The following LRIF1 variants were observed in gnomAD, a reference collection of about 807,000 sequenced individuals.
LRIF1 encodes ligand-dependent nuclear receptor-interacting factor 1.
Under a neutral mutation model 52.7 loss-of-function variants are expected in LRIF1, and 32 were observed. The observed-to-expected ratio is 0.61, with a 90% CI of 0.46 to 0.82. The LOEUF (loss-of-function observed/expected upper bound fraction) is 0.82, where lower values mean the gene tolerates loss of function less well. Ranked by LOEUF, LRIF1 falls within the 40% of genes least tolerant of loss-of-function variation. LRIF1 has a pLI of 0.00. For missense variants in LRIF1, 887 were observed against 892.0 expected (o/e 0.99, Z 0.07); for synonymous variants, 323 against 317.4 (o/e 1.02, Z -0.19).
chr1:110,901,059 A>T, the LRIF1 span, among the ~76,000 whole-genome samples: 1 of 152,214 alleles, frequency 6.6e-6, no homozygotes, highest in African/African-American at 2.4e-5. Context: ...TTTTAAAAAA[A>T]TTAGTATTTC....
At chr1:110,925,638 CA>C in the LRIF1 span, among the ~76,000 whole-genome samples, 1 of 151,456 alleles carries the variant, frequency 6.6e-6, no homozygotes, top group African/African-American at 2.4e-5. Context: ...GAGAATAAGA[CA>C]AAAAAAGAGA....
chr1:110,908,687 A>G, the LRIF1 span, among the ~76,000 whole-genome samples: 1 of 152,254 alleles, frequency 6.6e-6, no homozygotes, highest in East Asian at 1.9e-4. Context: ...AGCAGATAAA[A>G]ATAAAAAAAA....
chr1:110,892,683 A>C, the LRIF1 span: 1 of 681,774 alleles, frequency 1.5e-6, no homozygotes, highest in African/African-American at 1.8e-5. Context: ...TGCCCAGACC[A>C]ATAGTATATT....
chr1:110,929,169 T>C, the LRIF1 span, among the ~76,000 whole-genome samples: 8 of 152,340 alleles, frequency 5.3e-5, no homozygotes, highest in South Asian at 1.7e-3. Context: ...CTGTCATTGA[T>C]GGGCATTTAG....
chr1:110,917,223 C>T, the LRIF1 span, among the ~76,000 whole-genome samples: 5 of 152,192 alleles, frequency 3.3e-5, no homozygotes, highest in Non-Finnish European at 4.4e-5. Flanking sequence ...CTGACAGGGG[C>T]TCGTGTGTCC....
chr1:110,923,886 T>A, the LRIF1 span, among the ~76,000 whole-genome samples: 1 of 152,052 alleles, frequency 6.6e-6, no homozygotes, highest in African/African-American at 2.4e-5. Flanking sequence ...AACATTAACA[T>A]TCATACAGGA....
chr1:110,949,278 C>T (rs894099645), intron 3 of LRIF1, among the ~76,000 whole-genome samples: 2 of 151,896 alleles, frequency 1.3e-5, no homozygotes, highest in Admixed American at 6.6e-5. Flanking sequence ...GCTACCTCAC[C>T]CAGCTAATTT....
Position 110,948,053 on chromosome 1 carries a change from G to C in LRIF1, c.2216C>G (p.Thr739Ser), listed in dbSNP as rs1231003398. Reference protein sequence around the residue: ...FPVTPPELEETIRDEKIRRLK... With the variant: ...FPVTPPELEESIRDEKIRRLK... ...TCTTCTTATTTTTTCATCTCGAATG[G>C]TTTCTTCTAACTCCGGTGGTGTCAC... Residue 739 changes from threonine to serine, a missense_variant, in exon 4 of 4, where the codon ACC (threonine) becomes AGC (serine). Coordinates refer to ENST00000369763, the MANE Select transcript of LRIF1 (RefSeq NM_018372.4). 1 of 1,613,770 alleles carries C rather than the reference G, an allele frequency of 6.2e-7. No individual in the cohort carries two copies. The highest frequency in any genetic ancestry group is 1.1e-5 in the South Asian group (1 of 90,970).
rs1318200664 is a variant in LRIF1 at position 110,947,292 on chromosome 1, G to C, written c.*667C>G. The C allele has an allele frequency of 7.0e-6, 1 of 142,764 alleles. No homozygotes were observed. Among genetic ancestry groups the C allele is most frequent in the Non-Finnish European group, 1.5e-5 (1 of 65,114 alleles). 8.8% of individuals were successfully genotyped at this position (142,764 alleles called of 1,614,324 possible). On this transcript the variant is annotated 3_prime_UTR_variant, in exon 4 of 4. Coordinates refer to ENST00000369763, the MANE Select transcript of LRIF1 (RefSeq NM_018372.4). ...GTACATAGTCCCAAAAAAAAAAAAA[G>C]CAGCATTTGCCTGGGAACACATCAC...
At chr1:110,950,225 CA>C in intron 2 of LRIF1, 102 bp from the exon 3 acceptor site, 1 of 1,364,440 alleles carries the variant, frequency 7.3e-7, no homozygotes, top group South Asian at 1.4e-5. Context: ...AAGAACATAT[CA>C]TGCTTTATGA....
At chr1:110,950,825 A>G (rs1570940699) in intron 2 of LRIF1, among the ~76,000 whole-genome samples, 1 of 151,880 alleles carries the variant, frequency 6.6e-6, no homozygotes, top group African/African-American at 2.4e-5. Flanking sequence ...TCCATGGTAT[A>G]CCACCACCAC....
chr1:110,912,083 T>C, the LRIF1 span, among the ~76,000 whole-genome samples: 1 of 152,240 alleles, frequency 6.6e-6, no homozygotes, highest in East Asian at 1.9e-4. Context: ...ATAGACAATA[T>C]AATTCTATAC....
At chr1:110,913,851 T>C in the LRIF1 span, among the ~76,000 whole-genome samples, 2 of 152,178 alleles carry the variant, frequency 1.3e-5, no homozygotes, top group African/African-American at 2.4e-5. Context: ...TGTATGTTCA[T>C]TGCAGCACTA....
the LRIF1 span, among the ~76,000 whole-genome samples, chr1:110,891,729 G>A: frequency 0.64 from 97,426 of 152,094 alleles, 33,262 homozygotes; most frequent in Non-Finnish European, 0.77. Context: ...ACTACTACTC[G>A]TAGCTAACAT....
At chr1:110,954,487 T>A (rs1371122770) in intron 1 of LRIF1, among the ~76,000 whole-genome samples, 1 of 152,144 alleles carries the variant, frequency 6.6e-6, no homozygotes, top group Non-Finnish European at 1.5e-5. Context: ...TGCTATGTTG[T>A]CCAGGCTGGT....
the LRIF1 span, among the ~76,000 whole-genome samples, chr1:110,887,209 G>A: frequency 2.7e-3 from 414 of 151,932 alleles, 1 homozygote; most frequent in Non-Finnish European, 4.5e-3. Context: ...GACTACAGGC[G>A]CCCACCACCA....
chr1:110,948,255 T>G lies in LRIF1; in HGVS notation c.2014A>C (p.Thr672Pro). Residue 672 changes from threonine to proline, a missense_variant, in exon 4 of 4, where the codon ACT (threonine) becomes CCT (proline). Thr to Pro is a conservative substitution (Grantham distance 38). Transcript: ENST00000369763. ...ATGTTATGTTGTGACACATCTGAAG[T>G]TGGTAAAATACTGCTTAGGAGTTGG... ...GSQLLSSILP[T>P]SDVSQHNILT... 1.2e-6 allele frequency: 2 copies of G among 1,614,124 alleles called. No individual in the cohort carries two copies. Among genetic ancestry groups the G allele is most frequent in the Non-Finnish European group, 1.7e-6 (2 of 1,179,998 alleles).
chr1:110,930,769 T>C, the LRIF1 span, among the ~76,000 whole-genome samples: 1 of 152,204 alleles, frequency 6.6e-6, no homozygotes, highest in Non-Finnish European at 1.5e-5. Flanking sequence ...AAAAAATCTT[T>C]CATTATGCAT....
chr1:110,938,422 A>G, the LRIF1 span: 2 of 152,198 alleles, frequency 1.3e-5, no homozygotes, highest in African/African-American at 4.8e-5. Flanking sequence ...ATCGATTAAC[A>G]TGACACATCA....
Sources: gnomAD v4.1 joint callset for allele counts (sites outside exome capture counted in the v4.1 genomes callset) on GRCh38, gnomAD v4.1.1 for gene constraint, MANE v1.5 for transcripts, NCBI Gene and HGNC (gene_info 2026-07-23, HGNC 2026-07-21) for gene names.